Variants in TBC1D32 observed in about 807,000 individuals in gnomAD.
TBC1D32 encodes the protein TBC1 domain family member 32.
TBC1D32 carries 151 observed loss-of-function variants against 170.3 expected under a neutral mutation model. The observed-to-expected ratio is 0.89, with a 90% CI of 0.78 to 1.01. The LOEUF (loss-of-function observed/expected upper bound fraction) is 1.01, where lower values mean the gene tolerates loss of function less well. TBC1D32 is among the 50% of genes least tolerant of loss of function. TBC1D32 has a pLI of 0.00. For missense variants in TBC1D32, 1,464 were observed against 1,457.1 expected (o/e 1.00, Z -0.08); for synonymous variants, 498 against 488.0 (o/e 1.02, Z -0.27).
chr6:121,097,910 C>G (rs1176592822), intron 30 of TBC1D32, among the ~76,000 whole-genome samples: 1 of 151,924 alleles, frequency 6.6e-6, no homozygotes, highest in African/African-American at 2.4e-5. Context: ...ATGGATGAAG[C>G]TGGAAACCAT....
In TBC1D32 at chr6:121,267,460, G is replaced by A. The variant is rs1035444236; in HGVS notation, c.1734-11175C>T. On this transcript the variant is annotated intron_variant, in intron 15 of 31. Coordinates refer to ENST00000398212, the MANE Select transcript of TBC1D32 (RefSeq NM_152730.6). The stretch of plus-strand genomic sequence containing the variant: ...CAACGGTCTTAGCAACAGCACACCA[G>A]GAGATTATATCCTGCACCTGGCTTG... 2.6e-5 allele frequency among the ~76,000 whole-genome samples: 4 copies of A among 152,208 alleles called. No individual in the cohort carries two copies. The East Asian group carries it at 5.8e-4, about 22-fold the overall frequency.
chr6:121,110,065 C>T (rs6939178), intron 29 of TBC1D32, among the ~76,000 whole-genome samples: 29,197 of 151,488 alleles, frequency 0.19, 3,915 homozygotes, highest in African/African-American at 0.36. Context: ...TCCTGGCTAA[C>T]ACGGTGAAAC....
chr6:121,256,356 G>A, intron 15 of TBC1D32, 71 bp from the exon 16 acceptor site: 1 of 1,351,994 alleles, frequency 7.4e-7, no homozygotes, highest in African/African-American at 1.5e-5. Flanking sequence ...TACCAAAAAG[G>A]CTAGTCTTGT....
At chr6:121,141,919 A>G (rs1270720505) in intron 24 of TBC1D32, among the ~76,000 whole-genome samples, 1 of 152,232 alleles carries the variant, frequency 6.6e-6, no homozygotes, top group African/African-American at 2.4e-5. Context: ...GCTAATAGCA[A>G]AAAGCAAATA....
intron 15 of TBC1D32, among the ~76,000 whole-genome samples, chr6:121,276,420 G>A (rs1002269859): frequency 6.6e-6 from 1 of 151,914 alleles, no homozygotes; most frequent in African/African-American, 2.4e-5. Flanking sequence ...ATTAAAAAGA[G>A]TGACAAAAAA....
At chr6:121,148,802 T>A (rs1381730219) in intron 24 of TBC1D32, among the ~76,000 whole-genome samples, 1 of 151,978 alleles carries the variant, frequency 6.6e-6, no homozygotes, top group Non-Finnish European at 1.5e-5. Flanking sequence ...TTAGTAAAGA[T>A]GTGGTTTCAC....
At chr6:121,317,243 T>C (rs1809061152) in intron 3 of TBC1D32, among the ~76,000 whole-genome samples, 1 of 152,184 alleles carries the variant, frequency 6.6e-6, no homozygotes, top group African/African-American at 2.4e-5. Flanking sequence ...CACATTATTT[T>C]TTTTAATTCT....
At chr6:121,204,657 T>G (rs1395340430) in intron 22 of TBC1D32, among the ~76,000 whole-genome samples, 1 of 151,302 alleles carries the variant, frequency 6.6e-6, no homozygotes, top group African/African-American at 2.5e-5. Flanking sequence ...TCAGGCAAAG[T>G]AAAGTTGAAA....
At chr6:121,189,842 G>A (rs1384720564) in intron 22 of TBC1D32, among the ~76,000 whole-genome samples, 2 of 151,932 alleles carry the variant, frequency 1.3e-5, no homozygotes, top group Non-Finnish European at 2.9e-5. Context: ...AGACTGCTAG[G>A]CCCAGAACAT....
chr6:121,178,943 A>T (rs925045305), intron 22 of TBC1D32, among the ~76,000 whole-genome samples: 1 of 152,194 alleles, frequency 6.6e-6, no homozygotes, highest in South Asian at 2.1e-4. Flanking sequence ...CACAGCCAAC[A>T]TCTTGATTTC....
intron 24 of TBC1D32, among the ~76,000 whole-genome samples, chr6:121,137,795 T>G (rs1346305129): frequency 6.6e-6 from 1 of 151,854 alleles, no homozygotes; most frequent in African/African-American, 2.4e-5. Context: ...AGGGAAACAG[T>G]AAGGTCGACA....
chr6:121,197,942 A>T (rs890151571), intron 22 of TBC1D32, among the ~76,000 whole-genome samples: 2 of 151,936 alleles, frequency 1.3e-5, no homozygotes, highest in Admixed American at 6.6e-5. Context: ...AGAGAATATA[A>T]AGCAGGCAGA....
At chr6:121,121,588 C>T (rs762332009) in intron 26 of TBC1D32, among the ~76,000 whole-genome samples, 4 of 151,886 alleles carry the variant, frequency 2.6e-5, no homozygotes, top group Non-Finnish European at 4.4e-5. Flanking sequence ...TTACTATTAT[C>T]GAATAATCTT....
intron 16 of TBC1D32, among the ~76,000 whole-genome samples, chr6:121,255,832 A>G (rs573707828): frequency 6.6e-6 from 1 of 152,118 alleles, no homozygotes; most frequent in Non-Finnish European, 1.5e-5. Flanking sequence ...AAATTAACCT[A>G]AAGCCTCATC....
chr6:121,211,994 A>AACACAC (rs66924686), intron 21 of TBC1D32, among the ~76,000 whole-genome samples: 33 of 148,636 alleles, frequency 2.2e-4, no homozygotes, highest in African/African-American at 6.9e-4. Context: ...GAACAAACAC[A>AACACAC]ACACACACAC....
chr6:121,179,431 G>C (rs1260082446), intron 22 of TBC1D32, among the ~76,000 whole-genome samples: 3 of 150,732 alleles, frequency 2.0e-5, no homozygotes, highest in Non-Finnish European at 3.0e-5. Flanking sequence ...CATGGAAGAA[G>C]AGACCCCATT....
chr6:121,142,586 G>T (rs917121892), intron 24 of TBC1D32, among the ~76,000 whole-genome samples: 8 of 152,324 alleles, frequency 5.3e-5, no homozygotes, highest in African/African-American at 1.7e-4. Context: ...TAGGAAGCTA[G>T]ATGGGGAAAT....
chr6:121,119,025 G>A (rs1223650660), intron 26 of TBC1D32, among the ~76,000 whole-genome samples: 1 of 151,982 alleles, frequency 6.6e-6, no homozygotes, highest in African/African-American at 2.4e-5. Context: ...AATATCCCAG[G>A]AGGCAGCACA....
At chr6:121,251,834 A>G (rs1798332492) in intron 17 of TBC1D32, among the ~76,000 whole-genome samples, 1 of 152,242 alleles carries the variant, frequency 6.6e-6, no homozygotes, top group African/African-American at 2.4e-5. Context: ...TCCAGAATCT[A>G]TAAGCAACTT....
Sources: gnomAD v4.1 joint callset for allele counts (sites outside exome capture counted in the v4.1 genomes callset) on GRCh38, gnomAD v4.1.1 for gene constraint, MANE v1.5 for transcripts, NCBI Gene and HGNC (gene_info 2026-07-23, HGNC 2026-07-21) for gene names.